MMP26: variants seen among roughly 807,000 people sequenced by gnomAD.
The protein encoded by MMP26 is matrix metalloproteinase-26.
A neutral mutation model predicts 31.0 loss-of-function variants in MMP26; 33 were observed. The ratio of observed to expected loss-of-function variants is 1.06; its 90% CI spans 0.81 to 1.42. MMP26 has a LOEUF of 1.42. MMP26 is among the 40% of genes most tolerant of loss of function. MMP26 has a pLI of 0.00. For synonymous variants in MMP26, 122 were observed against 114.9 expected (o/e 1.06, Z -0.40); for missense variants, 347 against 316.1 (o/e 1.10, Z -0.74).
intron 2 of MMP26, among the ~76,000 whole-genome samples, chr11:4,972,158 C>A (rs1031876674): frequency 2.0e-5 from 3 of 152,182 alleles, no homozygotes; most frequent in Non-Finnish European, 4.4e-5. Flanking sequence ...AATTAAACAT[C>A]TAGAGTAACC....
chr11:4,772,318 A>G (rs778461700), intron 2 of MMP26, among the ~76,000 whole-genome samples: 1 of 152,168 alleles, frequency 6.6e-6, no homozygotes, highest in Non-Finnish European at 1.5e-5. Flanking sequence ...GATGTACATC[A>G]TTGTCTCTGG....
chr11:4,950,192 G>C (rs1245119994), intron 2 of MMP26, among the ~76,000 whole-genome samples: 1 of 123,354 alleles, frequency 8.1e-6, no homozygotes, highest in Non-Finnish European at 1.8e-5. Flanking sequence ...AAAAAATCTT[G>C]TAGAAAAACT....
intron 2 of MMP26, among the ~76,000 whole-genome samples, chr11:4,808,968 T>G (rs1849314439): frequency 6.6e-6 from 1 of 151,520 alleles, no homozygotes; most frequent in Non-Finnish European, 1.5e-5. Context: ...GACTTAATGC[T>G]TCAAGGCATG....
intron 1 of MMP26, among the ~76,000 whole-genome samples, chr11:4,728,744 C>G (rs990483687): frequency 1.3e-5 from 2 of 151,992 alleles, no homozygotes; most frequent in African/African-American, 4.8e-5. Context: ...AAACACTATT[C>G]TGAAAGTGGT....
chr11:4,751,164 T>C (rs1324326969), intron 1 of MMP26, among the ~76,000 whole-genome samples: 3 of 152,146 alleles, frequency 2.0e-5, no homozygotes, highest in African/African-American at 7.2e-5. Context: ...GATTATTCGA[T>C]AGGTTTTTCT....
chr11:4,705,449 T>C (rs1202734341), intron 1 of MMP26, among the ~76,000 whole-genome samples: 1 of 152,168 alleles, frequency 6.6e-6, no homozygotes, highest in Non-Finnish European at 1.5e-5. Context: ...AGGGGAGTTA[T>C]TAATACCCAA....
At chr11:4,877,299 T>A in intron 2 of MMP26, 1 of 152,262 alleles carries the variant, frequency 6.6e-6, no homozygotes, top group Non-Finnish European at 1.5e-5. Context: ...CTCTCATATC[T>A]GCAGTGCTGC....
In MMP26 at chr11:4,906,147, G is replaced by A. The variant is rs935413489; in HGVS notation, c.-144-81921G>A. Reference sequence around the variant, plus strand: ...AAGTGTGAACCATAAGTGTTTAAGCGAGGAGGTGCCACATTTAATACATGA... The same window carrying A: ...AAGTGTGAACCATAAGTGTTTAAGCAAGGAGGTGCCACATTTAATACATGA... On this transcript the variant is annotated intron_variant, in intron 2 of 7. Transcript: ENST00000380390. Among the ~76,000 whole-genome samples the A allele has an allele frequency of 3.9e-5, 6 of 152,144 alleles. No homozygotes were observed. In the South Asian group the frequency reaches 8.3e-4, roughly 21 times the overall value.
chr11:4,834,609 T>C (rs1849691247), intron 2 of MMP26, among the ~76,000 whole-genome samples: 1 of 152,190 alleles, frequency 6.6e-6, no homozygotes, highest in African/African-American at 2.4e-5. Context: ...AAGTCCTTAC[T>C]GTGATAGCTC....
At chr11:4,740,681 CAAAAA>C (rs761691284) in intron 1 of MMP26, among the ~76,000 whole-genome samples, 2 of 90,402 alleles carry the variant, frequency 2.2e-5, no homozygotes. Context: ...GAGACTCTGT[CAAAAA>C]AAAAAAAAAA....
At chr11:4,882,275 G>T (rs749445041) in intron 2 of MMP26, 1 of 1,613,824 alleles carries the variant, frequency 6.2e-7, no homozygotes, top group Middle Eastern at 1.7e-4. Flanking sequence ...TGACCGCTTC[G>T]TGGCTATCTG....
chr11:4,921,541 C>T (rs550482819), intron 2 of MMP26, among the ~76,000 whole-genome samples: 1 of 152,326 alleles, frequency 6.6e-6, no homozygotes, highest in South Asian at 2.1e-4. Flanking sequence ...ATTTGGGACA[C>T]ATATGCATGC....
At position 4,915,228 on chromosome 11, in the gene MMP26, T is replaced by C. The variant is rs1195447939; in HGVS notation, c.-144-72840T>C. 7 of 1,613,736 alleles carry C rather than the reference T, an allele frequency of 4.3e-6. No individual in the cohort carries two copies. In the East Asian group the frequency reaches 1.6e-4, roughly 36 times the overall value. ...AGAGAGACCAGGCCAATCCTGCCAA[T>C]GACTGTGTTGGTGAGAATGGAAACA... is the stretch of plus-strand genomic sequence containing the variant. On this transcript the variant is annotated intron_variant, in intron 2 of 7. Transcript: ENST00000380390.
chr11:4,870,603 A>C (rs1850297709), intron 2 of MMP26, among the ~76,000 whole-genome samples: 1 of 152,134 alleles, frequency 6.6e-6, no homozygotes, highest in Non-Finnish European at 1.5e-5. Context: ...ATCACTGAAT[A>C]GTACCGTGGT....
chr11:4,945,793 C>T, intron 2 of MMP26: 1 of 277,120 alleles, frequency 3.6e-6, no homozygotes, highest in South Asian at 4.2e-5. Context: ...GATAAAGAGA[C>T]AGCTAATTTA....
At chr11:4,902,991 GTT>G (rs1183179683) in intron 2 of MMP26, among the ~76,000 whole-genome samples, 1 of 151,504 alleles carries the variant, frequency 6.6e-6, no homozygotes, top group Non-Finnish European at 1.5e-5. Context: ...TTTAACCAAA[GTT>G]TTTCTTTTTA....
intron 2 of MMP26, among the ~76,000 whole-genome samples, chr11:4,939,334 T>C (rs1406463752): frequency 1.3e-5 from 2 of 152,156 alleles, no homozygotes; most frequent in African/African-American, 2.4e-5. Context: ...CTTCACTTAT[T>C]TCATCAAATA....
chr11:4,926,224 C>CAAA (rs150540410), intron 2 of MMP26, among the ~76,000 whole-genome samples: 3 of 149,052 alleles, frequency 2.0e-5, no homozygotes, highest in African/African-American at 7.4e-5. Context: ...AAATGAGAAG[C>CAAA]AAAAAAAAGG....
chr11:4,933,527 GTT>G (rs71050439), intron 2 of MMP26, among the ~76,000 whole-genome samples: 20,115 of 146,246 alleles, frequency 0.14, 1,464 homozygotes, highest in Middle Eastern at 0.29. Flanking sequence ...TATTTTTTTT[GTT>G]TTTTTTTTTG....
Sources: allele counts gnomAD v4.1 joint callset (sites outside exome capture counted in the v4.1 genomes callset), GRCh38; gene constraint gnomAD v4.1.1; transcripts MANE v1.5; gene names NCBI Gene and HGNC (gene_info 2026-07-23, HGNC 2026-07-21).